FANCC: variants seen among roughly 807,000 people sequenced by gnomAD.
The protein encoded by FANCC is Fanconi anemia group C protein.
A neutral mutation model predicts 71.3 loss-of-function variants in FANCC; 55 were observed. The ratio of observed to expected loss-of-function variants is 0.77; its 90% CI spans 0.62 to 0.97. FANCC has a LOEUF of 0.97. Ranked by LOEUF, FANCC falls within the 50% of genes least tolerant of loss-of-function variation. The pLI, the probability that FANCC is intolerant of heterozygous loss-of-function variation, is 0.00. For missense variants in FANCC, 678 were observed against 670.9 expected, an observed-to-expected ratio of 1.01 and a Z score of -0.12; for synonymous variants, 275 against 244.9, an observed-to-expected ratio of 1.12 and a Z score of -1.15.
At chr9:95,104,480 G>A (rs149596976) in intron 14 of FANCC, among the ~76,000 whole-genome samples, 65 of 151,982 alleles carry the variant, frequency 4.3e-4, no homozygotes, top group Admixed American at 1.4e-3. Context: ...GTGTGGATCC[G>A]CAGCAGGGGC....
At chr9:95,228,968 G>A (rs1392570341) in intron 4 of FANCC, among the ~76,000 whole-genome samples, 1 of 152,098 alleles carries the variant, frequency 6.6e-6, no homozygotes, top group Non-Finnish European at 1.5e-5. Context: ...AATAAGACAG[G>A]AACCTACCCG....
intron 7 of FANCC, among the ~76,000 whole-genome samples, chr9:95,139,653 G>C (rs918123465): frequency 4.0e-5 from 6 of 151,592 alleles, no homozygotes; most frequent in Non-Finnish European, 8.8e-5. Context: ...ATGTGGCTAT[G>C]GTGTAATGCT....
intron 1 of FANCC, chr9:95,292,936 G>A (rs1834142903): frequency 3.2e-6 from 5 of 1,580,910 alleles, no homozygotes; most frequent in Non-Finnish European, 3.5e-6. Context: ...CCCTACGCCA[G>A]TAGAAAAGCA....
intron 1 of FANCC, chr9:95,293,161 T>C: frequency 6.2e-7 from 1 of 1,613,036 alleles, no homozygotes; most frequent in East Asian, 2.2e-5. Flanking sequence ...CTCTTGTGGC[T>C]CTAACACTGA....
Position 95,100,775 on chromosome 9 carries a change from T to C in FANCC, c.*932A>G. The C allele has an allele frequency of 4.4e-6, 1 of 225,362 alleles. No homozygotes were observed. The highest frequency in any genetic ancestry group is 8.8e-6 in the Non-Finnish European group (1 of 113,096). 14.0% of individuals were successfully genotyped at this position (225,362 alleles called of 1,614,324 possible). ...CCTCTTGAATAGCTGGGATTACAGATGCATGCCATTGCACCCCGATAATTT... is the reference window on the plus strand; with the variant it reads ...CCTCTTGAATAGCTGGGATTACAGACGCATGCCATTGCACCCCGATAATTT... On this transcript the variant is annotated 3_prime_UTR_variant, in exon 15 of 15. Coordinates refer to ENST00000289081, the MANE Select transcript of FANCC (RefSeq NM_000136.3).
intron 1 of FANCC, among the ~76,000 whole-genome samples, chr9:95,266,325 G>A (rs1832381958): frequency 6.6e-6 from 1 of 152,176 alleles, no homozygotes; most frequent in Non-Finnish European, 1.5e-5. Flanking sequence ...AATTCAGCGT[G>A]ATCAATGATG....
chr9:95,118,667 A>C (rs1377890892), intron 10 of FANCC, among the ~76,000 whole-genome samples: 1 of 152,202 alleles, frequency 6.6e-6, no homozygotes, highest in Admixed American at 6.5e-5. Flanking sequence ...AACATAAAGT[A>C]TGTTTTCTTT....
At chr9:95,154,535 ACATT>A (rs991418872) in intron 6 of FANCC, among the ~76,000 whole-genome samples, 1 of 152,236 alleles carries the variant, frequency 6.6e-6, no homozygotes, top group Non-Finnish European at 1.5e-5. Context: ...AACTGTACCT[ACATT>A]ATCTGCATAC....
chr9:95,294,465 C>G (rs1588430807), intron 1 of FANCC: 1 of 1,600,464 alleles, frequency 6.2e-7, no homozygotes, highest in Admixed American at 1.7e-5. Context: ...CAGACTTAAA[C>G]TTTTTCTTAG....
At chr9:95,243,640 A>C (rs576764568) in intron 3 of FANCC, among the ~76,000 whole-genome samples, 10 of 151,894 alleles carry the variant, frequency 6.6e-5, no homozygotes, top group African/African-American at 2.2e-4. Flanking sequence ...AAAAAAAAAA[A>C]CAGATTAGCT....
intron 4 of FANCC, among the ~76,000 whole-genome samples, chr9:95,194,186 G>A (rs1426332649): frequency 6.6e-6 from 1 of 152,158 alleles, no homozygotes; most frequent in Non-Finnish European, 1.5e-5. Flanking sequence ...TGGAGATGGA[G>A]GATTACTTTG....
intron 8 of FANCC, among the ~76,000 whole-genome samples, chr9:95,130,053 A>G (rs1826650197): frequency 6.6e-6 from 1 of 152,204 alleles, no homozygotes; most frequent in Non-Finnish European, 1.5e-5. Flanking sequence ...CCATGGTCTC[A>G]GTGCCTGTTT....
intron 4 of FANCC, among the ~76,000 whole-genome samples, chr9:95,198,765 T>TA (rs1827616597): frequency 6.6e-6 from 1 of 152,166 alleles, no homozygotes; most frequent in Non-Finnish European, 1.5e-5. Flanking sequence ...GACAGAGTCT[T>TA]ACTAGAAACA....
intron 1 of FANCC, among the ~76,000 whole-genome samples, chr9:95,316,158 A>G (rs1835727479): frequency 6.6e-6 from 1 of 152,252 alleles, no homozygotes. Flanking sequence ...AGTTCTCAAG[A>G]AGCAGGCTCT....
intron 1 of FANCC, among the ~76,000 whole-genome samples, chr9:95,282,388 TG>T (rs1297277536): frequency 6.6e-6 from 1 of 152,104 alleles, no homozygotes; most frequent in African/African-American, 2.4e-5. Flanking sequence ...GCTCTGATGT[TG>T]GGTAAATGTA....
At chr9:95,123,767 G>C in intron 10 of FANCC, 1 of 699,790 alleles carries the variant, frequency 1.4e-6, no homozygotes, top group Non-Finnish European at 2.7e-6. Flanking sequence ...TCACAGCAAA[G>C]TAGTCAGGAA....
At chr9:95,217,375 C>T (rs1338089631) in intron 4 of FANCC, among the ~76,000 whole-genome samples, 1 of 151,772 alleles carries the variant, frequency 6.6e-6, no homozygotes, top group Non-Finnish European at 1.5e-5. Context: ...GTCCCAGCTA[C>T]TCGGGAGGCT....
chr9:95,133,800 G>A (rs949703119), intron 8 of FANCC, among the ~76,000 whole-genome samples: 10 of 152,200 alleles, frequency 6.6e-5, no homozygotes, highest in African/African-American at 2.4e-4. Context: ...GCACATGTAA[G>A]TTAGTAATAG....
intron 6 of FANCC, among the ~76,000 whole-genome samples, chr9:95,156,878 A>G (rs1030834018): frequency 2.6e-5 from 4 of 152,238 alleles, no homozygotes; most frequent in Non-Finnish European, 4.4e-5. Context: ...ATAATACCAC[A>G]TAACTTTCTA....
Sources: allele counts gnomAD v4.1 joint callset (sites outside exome capture counted in the v4.1 genomes callset), GRCh38; gene constraint gnomAD v4.1.1; transcripts MANE v1.5; gene names NCBI Gene and HGNC (gene_info 2026-07-23, HGNC 2026-07-21).